PANK1: variants seen among roughly 807,000 people sequenced by gnomAD.
The protein encoded by PANK1 is pantothenate kinase 1, also known as pantothenic acid kinase 1.
Under a neutral mutation model 40.1 loss-of-function variants are expected in PANK1, and 18 were observed. The observed-to-expected ratio is 0.45, with a 90% CI of 0.31 to 0.67. The LOEUF (loss-of-function observed/expected upper bound fraction) is 0.67, where lower values mean the gene tolerates loss of function less well. Among genes scored for constraint, PANK1 ranks in the 30% least tolerant of loss-of-function variants. The pLI is 0.06. For missense variants in PANK1, 457 were observed against 599.6 expected (o/e 0.76, Z 2.48); for synonymous variants, 242 against 237.7 (o/e 1.02, Z -0.17).
At chr10:89,607,072 AC>A (rs1246951463) in intron 2 of PANK1, among the ~76,000 whole-genome samples, 3 of 152,118 alleles carry the variant, frequency 2.0e-5, no homozygotes, top group Non-Finnish European at 4.4e-5. Context: ...AGCTTGGCTA[AC>A]CATATGGCAC....
intron 1 of PANK1, among the ~76,000 whole-genome samples, chr10:89,641,935 C>G (rs1841983981): frequency 6.6e-6 from 1 of 151,906 alleles, no homozygotes; most frequent in Non-Finnish European, 1.5e-5. Flanking sequence ...GATCACCTAG[C>G]CTAGCTCCAG....
intron 1 of PANK1, among the ~76,000 whole-genome samples, chr10:89,622,710 G>A (rs963733405): frequency 2.0e-5 from 3 of 151,942 alleles, no homozygotes; most frequent in Non-Finnish European, 4.4e-5. Context: ...GGTGGCTGGT[G>A]CCTGTAATCC....
intron 1 of PANK1, among the ~76,000 whole-genome samples, chr10:89,612,320 G>T (rs990776132): frequency 1.3e-5 from 2 of 152,206 alleles, no homozygotes; most frequent in African/African-American, 4.8e-5. Flanking sequence ...CCCTAAGGCA[G>T]TCTCAATTCC....
intron 1 of PANK1, among the ~76,000 whole-genome samples, chr10:89,623,644 G>A (rs1267251901): frequency 1.3e-5 from 2 of 152,052 alleles, no homozygotes; most frequent in East Asian, 3.9e-4. Context: ...CTTTGCTTCA[G>A]TGAACAGATA....
At chr10:89,600,913 T>C (rs1014465838) in intron 2 of PANK1, among the ~76,000 whole-genome samples, 2 of 152,236 alleles carry the variant, frequency 1.3e-5, no homozygotes, top group Non-Finnish European at 2.9e-5. Context: ...TACTGTTTAC[T>C]ACATGCTAAA....
intron 1 of PANK1, among the ~76,000 whole-genome samples, chr10:89,612,915 T>C (rs1028629132): frequency 6.6e-6 from 1 of 152,204 alleles, no homozygotes; most frequent in African/African-American, 2.4e-5. Flanking sequence ...TCTGCAGGCT[T>C]GGAAACTACT....
At chr10:89,605,083 A>T (rs1844916840) in intron 2 of PANK1, among the ~76,000 whole-genome samples, 1 of 151,732 alleles carries the variant, frequency 6.6e-6, no homozygotes, top group Admixed American at 6.6e-5. Context: ...AAAAAAGGAC[A>T]TACCTGAATT....
intron 1 of PANK1, among the ~76,000 whole-genome samples, chr10:89,620,188 T>C (rs2133977919): frequency 6.6e-6 from 1 of 152,244 alleles, no homozygotes; most frequent in Non-Finnish European, 1.5e-5. Flanking sequence ...GTTTGAACAA[T>C]ATGAAATCTG....
rs1177616655 is a variant in PANK1, at chr10:89,644,785, T to G, written c.107A>C (p.His36Pro). The change falls in exon 1 of 7, where the codon CAT becomes CCT. Residue 36 changes from histidine to proline, a missense_variant. By Grantham distance (77) the His-to-Pro change is moderately conservative. Transcript: ENST00000307534. Reference sequence around the variant, plus strand: ...GTGCGGCGGCTGGACTGGCGGCGGATGGAAGCCGTTGTGCAGCAGCCCGTT... The same window carrying G: ...GTGCGGCGGCTGGACTGGCGGCGGAGGGAAGCCGTTGTGCAGCAGCCCGTT... ...AVNGLLHNGFHPPPVQPPHVC... is the reference protein window; with the variant it reads ...AVNGLLHNGFPPPPVQPPHVC... 1 of 1,493,554 alleles carries G rather than the reference T, an allele frequency of 6.7e-7. No homozygotes were observed. 92.5% of individuals were successfully genotyped at this position (1,493,554 alleles called of 1,614,324 possible).
intron 1 of PANK1, among the ~76,000 whole-genome samples, chr10:89,618,335 T>C (rs1438117852): frequency 1.3e-5 from 2 of 152,152 alleles, no homozygotes; most frequent in East Asian, 3.8e-4. Context: ...GGGGTGGTGA[T>C]GAAGAGCAGA....
rs1842055396 is a variant in PANK1, at chr10:89,644,496, G to A, written c.292+104C>T. On this transcript the variant is annotated intron_variant, in intron 1 of 6. Coordinates refer to ENST00000307534, the MANE Select transcript of PANK1 (RefSeq NM_148977.3). ...TGCAGTCCCTCGACCGCAGACGCGG[G>A]GGCGCACGGGGCGTGCTGCGGCGCC... 3.0e-6 allele frequency: 3 copies of A among 1,006,350 alleles called. No individual in the cohort carries two copies. In the South Asian group the frequency reaches 5.0e-5, roughly 17 times the overall value. The allele number at this position is 1,006,350 out of a possible 1,614,324, so 62.3% of individuals were successfully genotyped here. A position where few individuals can be genotyped will look rare whatever the true frequency, so the allele number is the denominator to read the frequency against.
downstream of PANK1, chr10:89,580,061 A>G (rs1213437050): frequency 6.6e-6 from 1 of 152,252 alleles, no homozygotes; most frequent in Non-Finnish European, 1.5e-5. Flanking sequence ...CTTGTGAGTG[A>G]TAGTTTACGA....
chr10:89,645,237 C>G lies in PANK1; in HGVS notation c.-346G>C, dbSNP rs769414022. ...CTTCAAACGCGGCTTCCTCGCCTCC[C>G]AGACTGGTCCCCGCCACTGAGCATG... On this transcript the variant is annotated 5_prime_UTR_variant, in exon 1 of 7. Transcript: ENST00000307534. 12 of 1,602,308 alleles carry G rather than the reference C, an allele frequency of 7.5e-6. No homozygotes were observed. The highest frequency in any genetic ancestry group is 9.4e-6 in the Non-Finnish European group (11 of 1,175,174).
At position 89,592,833 on chromosome 10, in the gene PANK1, C is replaced by T. The variant is rs185150186; in HGVS notation, c.1200+364G>A. On this transcript the variant is annotated intron_variant, in intron 5 of 6. Transcript: ENST00000307534. ...AAGAAGCTGAAAGCAGAGAGAATAT[C>T]GAATATTGCAAGTCGAGCATTTTAC... The T allele has an allele frequency of 3.5e-5, 19 of 538,156 alleles. No individual in the cohort carries two copies. In the East Asian group the frequency reaches 5.9e-4, roughly 17 times the overall value. The allele number at this position is 538,156 out of a possible 1,614,324, so 33.3% of individuals were successfully genotyped here. A position where few individuals can be genotyped will look rare whatever the true frequency, so the allele number is the denominator to read the frequency against.
At chr10:89,598,291 A>G (rs1196684928) in intron 3 of PANK1, among the ~76,000 whole-genome samples, 1 of 152,260 alleles carries the variant, frequency 6.6e-6, no homozygotes, top group African/African-American at 2.4e-5. Context: ...GTAGTCCTGC[A>G]GAATTTCAGT....
rs1295774821 is a variant in PANK1 at position 89,611,700 on chromosome 10, C to A, written c.641G>T (p.Arg214Ile). ...GGAFKFEEDF[R>I]MIADLQLHKL... is the part of the protein sequence containing the mutation. Reference sequence around the variant, plus strand: ...ACAAAGACAAACCCGACCTACCATTCTGAAGTCCTCTTCGAATTTGAAAGC... The same window carrying A: ...ACAAAGACAAACCCGACCTACCATTATGAAGTCCTCTTCGAATTTGAAAGC... The change falls in exon 2 of 7, where the codon AGA becomes ATA. Residue 214 changes from arginine (R) to isoleucine (I), a missense_variant. By Grantham distance (97) the Arg-to-Ile change is moderately conservative. This residue lies in a region of PANK1 where 286 missense variants were observed against 415.8 expected (regional missense o/e 0.69). Transcript: ENST00000307534. 2 of 1,604,844 alleles carry A rather than the reference C, an allele frequency of 1.2e-6. No homozygotes were observed. Among genetic ancestry groups the A allele is most frequent in the Non-Finnish European group, 1.7e-6 (2 of 1,174,352 alleles).
intron 1 of PANK1, among the ~76,000 whole-genome samples, chr10:89,641,757 AAATAAATAAAT>A (rs768201306): frequency 1.5e-4 from 19 of 128,764 alleles, no homozygotes; most frequent in South Asian, 8.5e-4. Flanking sequence ...ATAAATAAAT[AAATAAATAAAT>A]AAATAAAATA....
intron 1 of PANK1, among the ~76,000 whole-genome samples, chr10:89,621,695 C>G (rs1175160300): frequency 6.6e-6 from 1 of 151,992 alleles, no homozygotes; most frequent in Non-Finnish European, 1.5e-5. Context: ...AAGTTTCTTA[C>G]TTGAGCTATT....
At chr10:89,600,528 A>C (rs1465403572) in intron 2 of PANK1, among the ~76,000 whole-genome samples, 1 of 152,244 alleles carries the variant, frequency 6.6e-6, no homozygotes, top group Admixed American at 6.5e-5. Context: ...AATATAGGTA[A>C]AGTGCTTACA....
Sources: gnomAD v4.1 joint callset for allele counts (sites outside exome capture counted in the v4.1 genomes callset) on GRCh38, gnomAD v4.1.1 for gene constraint, gnomAD v4.1.1 regional missense constraint, MANE v1.5 for transcripts, NCBI Gene and HGNC (gene_info 2026-07-23, HGNC 2026-07-21) for gene names.